The following TENM2 variants were observed in gnomAD, a reference collection of about 807,000 sequenced individuals.
TENM2 encodes teneurin transmembrane protein 2, also known as teneurin-2.
In TENM2, 52 loss-of-function variants were observed where a neutral mutation model predicts 245.2. The observed-to-expected ratio is 0.21, with a 90% CI of 0.17 to 0.27. The LOEUF is 0.27. Ranked by LOEUF, TENM2 falls within the 10% of genes least tolerant of loss-of-function variation. The pLI is 1.00. For missense variants in TENM2, 3,046 were observed against 3,666.8 expected (o/e 0.83, Z 4.37); for synonymous variants, 1,363 against 1,438.9 (o/e 0.95, Z 1.19).
intron 1 of TENM2, among the ~76,000 whole-genome samples, chr5:167,341,894 A>G (rs990857629): frequency 1.3e-5 from 2 of 152,116 alleles, no homozygotes; most frequent in Non-Finnish European, 2.9e-5. Flanking sequence ...TCCCCAATTC[A>G]TCTCCCCAAA....
chr5:167,192,209 A>G, the TENM2 span, among the ~76,000 whole-genome samples: 3 of 152,184 alleles, frequency 2.0e-5, no homozygotes, highest in Admixed American at 6.6e-5. Flanking sequence ...ACCAGGGTCC[A>G]TTCAACACAG....
intron 5 of TENM2, among the ~76,000 whole-genome samples, chr5:168,016,653 A>G (rs1259758505): frequency 2.6e-5 from 4 of 152,114 alleles, no homozygotes; most frequent in African/African-American, 4.8e-5. Context: ...GAGCAGTGAA[A>G]TCATAATCCC....
At position 168,262,769 on chromosome 5, in the gene TENM2, A is replaced by G; in HGVS notation, c.8284A>G (p.Asn2762Asp). The change falls in exon 29 of 29, where the codon AAC becomes GAC. Residue 2762 changes from asparagine (N) to aspartate (D), a missense_variant. Physicochemically the swap from Asn to Asp is conservative, Grantham distance 23 (BLOSUM62 1). Around this residue, in one of 2 missense-constraint regions of TENM2, gnomAD observed 2,704 missense variants for 3,331.9 expected, o/e 0.81. Coordinates refer to ENST00000518659, the Ensembl canonical transcript of TENM2. ...CCCAGAGCTTGCAGACAGTAGCAGCAACATCCAGTTTTTAAGACAGAATGA... is the reference window on the plus strand; with the variant it reads ...CCCAGAGCTTGCAGACAGTAGCAGCGACATCCAGTTTTTAAGACAGAATGA... 1.9e-6 allele frequency: 3 copies of G among 1,609,718 alleles called. No individual in the cohort carries two copies. The South Asian group carries it at 3.3e-5, about 18-fold the overall frequency.
chr5:167,020,192 A>C, the TENM2 span, among the ~76,000 whole-genome samples: 1 of 152,166 alleles, frequency 6.6e-6, no homozygotes, highest in Non-Finnish European at 1.5e-5. Context: ...ACACTTTTGG[A>C]ACATAACCTA....
intron 2 of TENM2, among the ~76,000 whole-genome samples, chr5:167,505,118 C>A (rs1237395240): frequency 6.6e-6 from 1 of 152,108 alleles, no homozygotes; most frequent in Non-Finnish European, 1.5e-5. Flanking sequence ...TGATTGAACG[C>A]TGCCTCAGTA....
At chr5:168,208,649 G>A (rs1762559100) in intron 19 of TENM2, among the ~76,000 whole-genome samples, 1 of 152,200 alleles carries the variant, frequency 6.6e-6, no homozygotes, top group Non-Finnish European at 1.5e-5. Flanking sequence ...CTTTGAAAAT[G>A]GGGGTCAGGA....
chr5:168,220,398 C>A (rs771785294), intron 23 of TENM2, among the ~76,000 whole-genome samples: 1 of 152,142 alleles, frequency 6.6e-6, no homozygotes, highest in Non-Finnish European at 1.5e-5. Context: ...CAGATCTGAA[C>A]TCTAAAAGGG....
At chr5:167,248,068 A>G in the TENM2 span, among the ~76,000 whole-genome samples, 1 of 152,150 alleles carries the variant, frequency 6.6e-6, no homozygotes, top group Non-Finnish European at 1.5e-5. Flanking sequence ...CTCTAAAAAT[A>G]CTGTAAACAA....
At chr5:168,080,216 G>T (rs547251562) in intron 7 of TENM2, among the ~76,000 whole-genome samples, 4 of 152,088 alleles carry the variant, frequency 2.6e-5, no homozygotes. Flanking sequence ...GTTTATTTGC[G>T]TAGAGGTGTT....
intron 2 of TENM2, among the ~76,000 whole-genome samples, chr5:167,409,836 A>C (rs1167296827): frequency 1.3e-5 from 2 of 151,890 alleles, no homozygotes; most frequent in Admixed American, 1.3e-4. Flanking sequence ...ATCCATGATG[A>C]AATTGTTAAC....
the TENM2 span, among the ~76,000 whole-genome samples, chr5:166,992,956 C>T: frequency 6.6e-6 from 1 of 152,244 alleles, no homozygotes; most frequent in East Asian, 1.9e-4. Flanking sequence ...AAAACGTGCT[C>T]AGTTGCGCAT....
intron 2 of TENM2, among the ~76,000 whole-genome samples, chr5:167,837,067 TACACACACAC>T (rs3082486): frequency 2.5e-4 from 38 of 149,426 alleles, no homozygotes; most frequent in Non-Finnish European, 4.3e-4. Flanking sequence ...TATGCCTAAG[TACACACACAC>T]ACACACACAC....
In TENM2 at chr5:168,155,653, T is replaced by C. The variant is rs1458325935; in HGVS notation, c.2423-6958T>C. On this transcript the variant is annotated intron_variant, in intron 12 of 28. Transcript: ENST00000518659. ...GGACACTTGATGAACCTTCATTTTTTAACTTGAAAAAGGATGGGTTCTTGT... is the reference window on the plus strand; with the variant it reads ...GGACACTTGATGAACCTTCATTTTTCAACTTGAAAAAGGATGGGTTCTTGT... Among the ~76,000 whole-genome samples the C allele has an allele frequency of 2.0e-5, 3 of 152,106 alleles. 1 individual carries two copies. The highest frequency in any genetic ancestry group is 2.0e-4 in the Admixed American group (3 of 15,258).
intron 2 of TENM2, among the ~76,000 whole-genome samples, chr5:167,793,826 T>C (rs1760938963): frequency 6.7e-6 from 1 of 148,586 alleles, no homozygotes; most frequent in Non-Finnish European, 1.5e-5. Flanking sequence ...CAAAACCCTG[T>C]CTAAAAAAAA....
chr5:167,146,892 T>C, the TENM2 span, among the ~76,000 whole-genome samples: 1 of 152,130 alleles, frequency 6.6e-6, no homozygotes, highest in Non-Finnish European at 1.5e-5. Flanking sequence ...GAAACAATCA[T>C]GATTTTATAG....
At position 168,244,658 on chromosome 5, in the gene TENM2, G is replaced by A. The variant is rs759337940; in HGVS notation, c.5759G>A (p.Arg1920His). The change falls in exon 26 of 29, where the codon CGC (arginine) becomes CAC (histidine). Residue 1920 changes from arginine to histidine, a missense_variant. This residue lies in a region of TENM2 where 2,704 missense variants were observed against 3,331.9 expected (regional missense o/e 0.81). Transcript: ENST00000518659. The surrounding 1 kb of genome is among the most constrained non-coding windows in gnomAD (Gnocchi z 4.9). Reference sequence around the variant, plus strand: ...AGGACAGACATCGACAAGCAAGGCCGCATCGTGTCCCGCATGTTCGCTGAC... The same window carrying A: ...AGGACAGACATCGACAAGCAAGGCCACATCGTGTCCCGCATGTTCGCTGAC... 1.2e-5 allele frequency: 18 copies of A among 1,541,632 alleles called. No individual in the cohort carries two copies. The highest frequency in any genetic ancestry group is 4.1e-5 in the African/African-American group (3 of 73,138).
chr5:167,185,869 A>G, the TENM2 span, among the ~76,000 whole-genome samples: 1 of 152,170 alleles, frequency 6.6e-6, no homozygotes, highest in African/African-American at 2.4e-5. Flanking sequence ...TTTTGTTATC[A>G]TAGCAATTAT....
chr5:168,210,132 A>C (rs907550925), intron 19 of TENM2, among the ~76,000 whole-genome samples: 5 of 152,082 alleles, frequency 3.3e-5, no homozygotes, highest in Admixed American at 1.3e-4. Context: ...GCATAGACTG[A>C]CTCGGTGATG....
chr5:168,191,790 G>A (rs1274297184), intron 14 of TENM2, among the ~76,000 whole-genome samples: 1 of 152,082 alleles, frequency 6.6e-6, no homozygotes, highest in Non-Finnish European at 1.5e-5. Flanking sequence ...CCTCTCATGA[G>A]CCTTTCATCG....
Sources: allele counts gnomAD v4.1 joint callset (sites outside exome capture counted in the v4.1 genomes callset), GRCh38; gene constraint gnomAD v4.1.1; regional missense constraint gnomAD v4.1.1; non-coding constraint Gnocchi (gnomAD v3.1); transcripts MANE v1.5; gene names NCBI Gene and HGNC (gene_info 2026-07-23, HGNC 2026-07-21).